Variants in SCFD2 observed in about 807,000 individuals in gnomAD.
SCFD2 encodes the protein sec1 family domain-containing protein 2.
Under a neutral mutation model 58.9 loss-of-function variants are expected in SCFD2, and 54 were observed. The observed-to-expected ratio is 0.92, with a 90% confidence interval of 0.74 to 1.15. The LOEUF (loss-of-function observed/expected upper bound fraction) is 1.15. SCFD2 is among the 50% of genes most tolerant of loss of function. SCFD2 has a pLI of 0.00. For missense variants in SCFD2, 805 were observed against 836.6 expected (o/e 0.96, Z 0.47); for synonymous variants, 321 against 335.9 (o/e 0.96, Z 0.49).
intron 5 of SCFD2, among the ~76,000 whole-genome samples, chr4:53,143,795 T>TACACAC (rs113492027): frequency 0.034 from 5,039 of 146,592 alleles, 93 homozygotes; most frequent in East Asian, 0.06. Flanking sequence ...CACCTAAACA[T>TACACAC]ACACACACAC....
chr4:53,004,473 C>T (rs555741358), intron 5 of SCFD2, among the ~76,000 whole-genome samples: 7 of 152,252 alleles, frequency 4.6e-5, no homozygotes, highest in Middle Eastern at 6.8e-3. Flanking sequence ...TACACATGCC[C>T]GGCATTTACT....
At chr4:53,298,804 C>T (rs1221022081) in intron 3 of SCFD2, among the ~76,000 whole-genome samples, 2 of 152,220 alleles carry the variant, frequency 1.3e-5, no homozygotes, top group Non-Finnish European at 2.9e-5. Context: ...CGCTGTTCTG[C>T]AGCCACCGCT....
intron 4 of SCFD2, among the ~76,000 whole-genome samples, chr4:53,233,207 G>A (rs928584747): frequency 2.0e-5 from 3 of 151,964 alleles, no homozygotes; most frequent in African/African-American, 7.3e-5. Context: ...TAGGAACCTA[G>A]GTGTTTAACA....
intron 5 of SCFD2, among the ~76,000 whole-genome samples, chr4:53,060,841 A>C (rs1398532727): frequency 3.3e-5 from 5 of 152,182 alleles, no homozygotes. Flanking sequence ...AATCCATATC[A>C]ACAAAAGCTT....
At chr4:53,178,911 TC>T (rs1412065741) in intron 4 of SCFD2, among the ~76,000 whole-genome samples, 3 of 151,910 alleles carry the variant, frequency 2.0e-5, no homozygotes, top group African/African-American at 7.3e-5. Flanking sequence ...TGATGGAAGA[TC>T]AAATGAATGA....
At chr4:53,238,547 G>A (rs1158818977) in intron 4 of SCFD2, among the ~76,000 whole-genome samples, 1 of 150,904 alleles carries the variant, frequency 6.6e-6, no homozygotes, top group African/African-American at 2.4e-5. Context: ...GGGCGGAGAC[G>A]CTCCTCACTT....
intron 5 of SCFD2, among the ~76,000 whole-genome samples, chr4:53,001,277 C>T (rs2148800641): frequency 6.6e-6 from 1 of 152,188 alleles, no homozygotes; most frequent in East Asian, 1.9e-4. Context: ...GTTGTTCTTT[C>T]TACCAGGACA....
intron 4 of SCFD2, among the ~76,000 whole-genome samples, chr4:53,220,282 G>A (rs1425818940): frequency 6.6e-6 from 1 of 152,124 alleles, no homozygotes; most frequent in Non-Finnish European, 1.5e-5. Flanking sequence ...TAGAAAACCT[G>A]ATCAGTTTAT....
intron 5 of SCFD2, among the ~76,000 whole-genome samples, chr4:53,015,631 TTATCTTCCAAGTTGGTAACACA>T (rs1319821253): frequency 6.6e-6 from 1 of 152,134 alleles, no homozygotes; most frequent in Non-Finnish European, 1.5e-5. Flanking sequence ...CAACCCCAGT[TTATCTTCCAAGTTGGTAACACA>T]TATCTATGTG....
chr4:53,236,397 T>A (rs1037803693), intron 4 of SCFD2, among the ~76,000 whole-genome samples: 2 of 151,170 alleles, frequency 1.3e-5, no homozygotes, highest in Non-Finnish European at 2.9e-5. Flanking sequence ...TGTAAGTGTG[T>A]GTGTATATAT....
At chr4:53,349,937 C>A (rs1195915139) in intron 2 of SCFD2, among the ~76,000 whole-genome samples, 1 of 152,100 alleles carries the variant, frequency 6.6e-6, no homozygotes, top group Non-Finnish European at 1.5e-5. Context: ...AAATATAGGC[C>A]TCCACCAAGT....
chr4:53,199,759 A>T (rs560355271), intron 4 of SCFD2, among the ~76,000 whole-genome samples: 1 of 152,300 alleles, frequency 6.6e-6, no homozygotes, highest in South Asian at 2.1e-4. Flanking sequence ...CTGTCCCCGT[A>T]CAAAATAAGT....
intron 2 of SCFD2, among the ~76,000 whole-genome samples, chr4:53,336,543 G>A (rs77770504): frequency 0.098 from 14,503 of 148,722 alleles, 1,028 homozygotes; most frequent in African/African-American, 0.19. Flanking sequence ...TTATTTATTT[G>A]AGTTGGAGTT....
chr4:53,288,901 AAAGTT>A (rs1466847698), intron 3 of SCFD2, among the ~76,000 whole-genome samples: 4 of 152,232 alleles, frequency 2.6e-5, no homozygotes, highest in Non-Finnish European at 5.9e-5. Flanking sequence ...TTCTACTATG[AAAGTT>A]AAAAGTCAAA....
At chr4:53,336,563 T>C (rs1211942080) in intron 2 of SCFD2, among the ~76,000 whole-genome samples, 2 of 152,148 alleles carry the variant, frequency 1.3e-5, no homozygotes, top group Non-Finnish European at 2.9e-5. Context: ...TTTGCTCTGT[T>C]GCCCAGACTG....
rs1376244768 is a variant in SCFD2, at chr4:53,256,879, GGGGAGA to G, written c.1311+16941_1311+16946del. On this transcript the variant is annotated intron_variant, in intron 4 of 8. Transcript: ENST00000401642. ...GGAAAGAGAGGGAGAGGGAGACCGT[GGGGAGA>G]GGGAGAGGGAGAGAGGGAGGGGGAC... is the stretch of plus-strand genomic sequence containing the variant. Among the ~76,000 whole-genome samples, 8 of 140,440 alleles carry G rather than the reference GGGGAGA, an allele frequency of 5.7e-5. No individual in the cohort carries two copies. The South Asian group carries it at 1.0e-3, about 18-fold the overall frequency. 92.1% of individuals were successfully genotyped at this position (140,440 alleles called of 152,430 possible).
intron 3 of SCFD2, 25 bp downstream of exon 3, chr4:53,313,611 G>A: frequency 6.2e-7 from 1 of 1,613,364 alleles, no homozygotes; most frequent in Non-Finnish European, 8.5e-7. Flanking sequence ...CTCAGAGGCT[G>A]CCTGTGTCCT....
At chr4:53,309,743 CT>C (rs745660040) in intron 3 of SCFD2, among the ~76,000 whole-genome samples, 29 of 152,162 alleles carry the variant, frequency 1.9e-4, no homozygotes, top group Non-Finnish European at 3.8e-4. Flanking sequence ...GAGAAATAAT[CT>C]AACTTGATCT....
chr4:53,073,335 T>C (rs751921836), intron 5 of SCFD2, among the ~76,000 whole-genome samples: 2 of 152,126 alleles, frequency 1.3e-5, no homozygotes, highest in Non-Finnish European at 2.9e-5. Context: ...TCCTGAGGGA[T>C]GATTGTATGT....
Sources: allele counts gnomAD v4.1 joint callset (sites outside exome capture counted in the v4.1 genomes callset), GRCh38; gene constraint gnomAD v4.1.1; transcripts MANE v1.5; gene names NCBI Gene and HGNC (gene_info 2026-07-23, HGNC 2026-07-21).